The following FAM193A variants were observed in gnomAD, a reference collection of about 807,000 sequenced individuals.
FAM193A encodes protein FAM193A.
Under a neutral mutation model 126.5 loss-of-function variants are expected in FAM193A, and 22 were observed. The observed-to-expected ratio is 0.17, with a 90% CI of 0.12 to 0.25. FAM193A has a LOEUF of 0.25. Ranked by LOEUF, FAM193A falls within the 10% of genes least tolerant of loss-of-function variation. FAM193A has a pLI of 1.00. For missense variants in FAM193A, 1,675 were observed against 1,672.8 expected (o/e 1.00, Z -0.02); for synonymous variants, 761 against 646.8 (o/e 1.18, Z -2.68).
Position 2,663,230 on chromosome 4 carries a change from G to C in FAM193A, c.2021G>C (p.Ser674Thr), listed in dbSNP as rs201568973. The change falls in exon 12 of 21, where the codon AGC becomes ACC. Residue 674 changes from serine to threonine, a missense_variant. Ser to Thr is a moderately conservative substitution (Grantham distance 58, BLOSUM62 1). This residue lies in a region of FAM193A where 1,186 missense variants were observed against 1,109.2 expected (regional missense o/e 1.07). Transcript: ENST00000637812. ...GAAGATGGAGTGCTGGGAAGCAGGA[G>C]CCCCAGGACAGAGGAGAGCAAAGCA... is the stretch of plus-strand genomic sequence containing the variant. Reference protein sequence around the residue: ...PKEDGVLGSRSPRTEESKADS... With the variant: ...PKEDGVLGSRTPRTEESKADS... 119 of 1,614,028 alleles carry C rather than the reference G, an allele frequency of 7.4e-5. No individual in the cohort carries two copies. In the African/African-American group the frequency reaches 1.4e-3, roughly 19 times the overall value.
At chr4:2,710,161 G>GTTTTTT (rs796903801) in intron 19 of FAM193A, among the ~76,000 whole-genome samples, 18 of 91,810 alleles carry the variant, frequency 2.0e-4, no homozygotes, top group Middle Eastern at 7.2e-3. Context: ...TTCTTCTTTT[G>GTTTTTT]TTTTTTTTTT....
chr4:2,548,184 G>A (rs911535018), intron 1 of FAM193A, among the ~76,000 whole-genome samples: 1 of 149,906 alleles, frequency 6.7e-6, no homozygotes, highest in Non-Finnish European at 1.5e-5. Flanking sequence ...TGATTCTCCT[G>A]CCTCAGCCTC....
chr4:2,654,792 T>G (rs1262509281), intron 7 of FAM193A: 2 of 298,376 alleles, frequency 6.7e-6, no homozygotes, highest in Non-Finnish European at 1.2e-5. Context: ...CTTGACCCAT[T>G]TTGTGCCTCC....
rs1358618757 is a variant in FAM193A, at chr4:2,722,482, C to T, written c.4454+6378C>T. Among the ~76,000 whole-genome samples, 16 of 152,102 alleles carry T rather than the reference C, an allele frequency of 1.1e-4. 1 individual carries two copies. Among genetic ancestry groups the T allele is most frequent in the Admixed American group, 6.6e-5 (1 of 15,262 alleles). Reference sequence around the variant, plus strand: ...AGCATTCTATTCCAGCTGCTGTGTCCAGAAGGGGCTGGGGGACAGGGTCAC... The same window carrying T: ...AGCATTCTATTCCAGCTGCTGTGTCTAGAAGGGGCTGGGGGACAGGGTCAC... On this transcript the variant is annotated intron_variant, in intron 20 of 20. Transcript: ENST00000637812.
chr4:2,560,804 C>G (rs575305075), intron 1 of FAM193A, among the ~76,000 whole-genome samples: 1 of 152,140 alleles, frequency 6.6e-6, no homozygotes, highest in East Asian at 1.9e-4. Flanking sequence ...CTTCCTCTTC[C>G]TCAGTGTTTT....
At chr4:2,541,820 C>T (rs1171669064) in intron 1 of FAM193A, among the ~76,000 whole-genome samples, 2 of 151,660 alleles carry the variant, frequency 1.3e-5, no homozygotes, top group African/African-American at 4.8e-5. Context: ...AATATGCCAC[C>T]ATCTTTTATG....
At chr4:2,586,204 T>C (rs1024698642) in intron 1 of FAM193A, among the ~76,000 whole-genome samples, 1 of 151,560 alleles carries the variant, frequency 6.6e-6, no homozygotes, top group African/African-American at 2.4e-5. Context: ...GATGATGCCA[T>C]TGCACTCCAG....
chr4:2,595,248 T>C (rs1740793025), intron 1 of FAM193A, among the ~76,000 whole-genome samples: 1 of 152,180 alleles, frequency 6.6e-6, no homozygotes, highest in Non-Finnish European at 1.5e-5. Context: ...GAAGTCTTGC[T>C]ATGTTACTGA....
intron 2 of FAM193A, among the ~76,000 whole-genome samples, chr4:2,599,739 GTTT>G (rs34438355): frequency 6.9e-6 from 1 of 143,908 alleles, no homozygotes; most frequent in African/African-American, 2.6e-5. Context: ...TCTTGCCATA[GTTT>G]TTTTTTTTTT....
intron 2 of FAM193A, among the ~76,000 whole-genome samples, chr4:2,623,714 C>T (rs983669246): frequency 6.6e-6 from 1 of 152,232 alleles, no homozygotes; most frequent in African/African-American, 2.4e-5. Flanking sequence ...CACCACCCGT[C>T]TCTCTGGGGG....
intron 2 of FAM193A, among the ~76,000 whole-genome samples, chr4:2,617,299 C>G (rs1742268405): frequency 1.8e-5 from 1 of 56,620 alleles, no homozygotes; most frequent in Non-Finnish European, 3.1e-5. Context: ...TGGAGTCTCA[C>G]TCTGCTCCCA....
intron 20 of FAM193A, among the ~76,000 whole-genome samples, chr4:2,725,565 TGTATAG>T (rs148601508): frequency 0.012 from 1,862 of 151,496 alleles, 42 homozygotes; most frequent in African/African-American, 0.043. Flanking sequence ...CCTGCTGTAT[TGTATAG>T]ACTCTAGATA....
intron 6 of FAM193A, among the ~76,000 whole-genome samples, chr4:2,644,801 G>A (rs775957095): frequency 1.3e-5 from 2 of 152,192 alleles, no homozygotes; most frequent in African/African-American, 2.4e-5. Context: ...CCCATGAAAA[G>A]ATCCTAATTT....
At chr4:2,573,743 G>A (rs1739424939) in intron 1 of FAM193A, among the ~76,000 whole-genome samples, 1 of 152,170 alleles carries the variant, frequency 6.6e-6, no homozygotes. Context: ...TTCCAGCTGG[G>A]GAGGCTGATG....
At chr4:2,695,270 A>G (rs1185040820) in intron 17 of FAM193A, 141 bp downstream of exon 17, 3 of 634,604 alleles carry the variant, frequency 4.7e-6, no homozygotes, top group Non-Finnish European at 7.3e-6. Flanking sequence ...AGAAAAATAT[A>G]TGCCCAAAGA....
At chr4:2,594,527 T>G (rs1488270354) in intron 1 of FAM193A, among the ~76,000 whole-genome samples, 1 of 152,190 alleles carries the variant, frequency 6.6e-6, no homozygotes, top group Non-Finnish European at 1.5e-5. Context: ...GCGGGGGTTC[T>G]CTCACCTCCA....
At chr4:2,680,021 C>A (rs1714918532) in intron 13 of FAM193A, among the ~76,000 whole-genome samples, 1 of 152,076 alleles carries the variant, frequency 6.6e-6, no homozygotes, top group Non-Finnish European at 1.5e-5. Context: ...CCACCACACC[C>A]AGCTAATTTT....
At chr4:2,717,342 C>G (rs528110220) in intron 20 of FAM193A, among the ~76,000 whole-genome samples, 1 of 152,148 alleles carries the variant, frequency 6.6e-6, no homozygotes, top group African/African-American at 2.4e-5. Context: ...CCTGTAATCC[C>G]AACACTTTGG....
intron 19 of FAM193A, among the ~76,000 whole-genome samples, chr4:2,704,277 A>G (rs1718064491): frequency 6.7e-6 from 1 of 148,206 alleles, no homozygotes; most frequent in South Asian, 2.2e-4. Context: ...AAAAAAAAAA[A>G]AATTAAGGCT....
Sources: allele counts gnomAD v4.1 joint callset (sites outside exome capture counted in the v4.1 genomes callset), GRCh38; gene constraint gnomAD v4.1.1; regional missense constraint gnomAD v4.1.1; transcripts MANE v1.5; gene names NCBI Gene and HGNC (gene_info 2026-07-23, HGNC 2026-07-21).